The following PTPN4 variants were observed in gnomAD, a reference collection of about 807,000 sequenced individuals.
PTPN4 encodes tyrosine-protein phosphatase non-receptor type 4.
In PTPN4, 49 loss-of-function variants were observed where a neutral mutation model predicts 135.5. The ratio of observed to expected loss-of-function variants is 0.36; its 90% confidence interval spans 0.29 to 0.46. The LOEUF is 0.46. Ranked by LOEUF, PTPN4 falls within the 20% of genes least tolerant of loss-of-function variation. PTPN4 has a pLI of 1.00. For synonymous variants in PTPN4, 333 were observed against 369.9 expected, an observed-to-expected ratio of 0.90 and a Z score of 1.14; for missense variants, 860 against 1,101.0, an observed-to-expected ratio of 0.78 and a Z score of 3.10.
At chr2:119,856,919 A>G (rs943644969) in intron 2 of PTPN4, among the ~76,000 whole-genome samples, 5 of 152,138 alleles carry the variant, frequency 3.3e-5, no homozygotes, top group African/African-American at 4.8e-5. Context: ...TTCCATCAAA[A>G]AGAAATTCTA....
chr2:119,807,560 C>T (rs1250992792), intron 1 of PTPN4, among the ~76,000 whole-genome samples: 1 of 152,170 alleles, frequency 6.6e-6, no homozygotes. Context: ...CAATAACAGG[C>T]TCTGAAATTC....
intron 3 of PTPN4, among the ~76,000 whole-genome samples, chr2:119,870,723 C>A (rs1677898178): frequency 6.6e-6 from 1 of 151,956 alleles, no homozygotes; most frequent in South Asian, 2.1e-4. Flanking sequence ...GGTATTGGAA[C>A]AATTGGTTAA....
intron 1 of PTPN4, 41 bp from the exon 2 acceptor site, chr2:119,809,796 A>G: frequency 6.7e-7 from 1 of 1,502,990 alleles, no homozygotes; most frequent in Non-Finnish European, 9.0e-7. Context: ...CTTATATTTT[A>G]CGAACCTTTT....
Position 119,981,914 on chromosome 2 carries a change from TATA to T in PTPN4, c.*4847_*4849del, listed in dbSNP as rs1679702294. 1 of 152,202 alleles carries T rather than the reference TATA, an allele frequency of 6.6e-6. No individual in the cohort carries two copies. 9.4% of individuals were successfully genotyped at this position (152,202 alleles called of 1,614,324 possible). ...GTAGTATGCTATTGATTTCTGAAGT[TATA>T]ATCATAATTTTTATTTTAGTAATCC... is the stretch of plus-strand genomic sequence containing the variant. On this transcript the variant is annotated 3_prime_UTR_variant, in exon 27 of 27. Transcript: ENST00000263708.
intron 10 of PTPN4, among the ~76,000 whole-genome samples, chr2:119,906,037 G>T (rs140720344): frequency 0.012 from 1,862 of 152,182 alleles, 40 homozygotes; most frequent in African/African-American, 0.043. Context: ...GTTTAATGAT[G>T]CATCTCAAGG....
intron 9 of PTPN4, among the ~76,000 whole-genome samples, chr2:119,897,523 A>G (rs1004407994): frequency 6.6e-6 from 1 of 152,198 alleles, no homozygotes; most frequent in Non-Finnish European, 1.5e-5. Context: ...GAATTCTACA[A>G]TTCACATATC....
chr2:119,841,179 TA>T (rs1461525383), intron 2 of PTPN4, among the ~76,000 whole-genome samples: 2 of 152,190 alleles, frequency 1.3e-5, no homozygotes, highest in Non-Finnish European at 2.9e-5. Flanking sequence ...ATCATAATTT[TA>T]AAAATTATTT....
chr2:119,846,937 C>T (rs1360926173), intron 2 of PTPN4, among the ~76,000 whole-genome samples: 2 of 151,142 alleles, frequency 1.3e-5, no homozygotes, highest in Non-Finnish European at 3.0e-5. Flanking sequence ...ATTACAAACC[C>T]AAAAATATAT....
rs144689387 is a variant in PTPN4, at chr2:119,781,433, A to G, written c.-18+21049A>G. On this transcript the variant is annotated intron_variant, in intron 1 of 26. Coordinates refer to ENST00000263708, the MANE Select transcript of PTPN4 (RefSeq NM_002830.4). ...CCTGTAGCCAGACTCCTGGTTCTCA[A>G]CAATATTAATATTTATTCATTTGTT... Among the ~76,000 whole-genome samples, 258 of 152,318 alleles carry G rather than the reference A, an allele frequency of 1.7e-3. 1 individual carries two copies. Among genetic ancestry groups the G allele is most frequent in the African/African-American group, 6.0e-3 (251 of 41,562 alleles).
intron 26 of PTPN4, among the ~76,000 whole-genome samples, chr2:119,972,220 A>C (rs1405572935): frequency 6.6e-6 from 1 of 151,798 alleles, no homozygotes; most frequent in Non-Finnish European, 1.5e-5. Context: ...ATTGGGTTGA[A>C]TCTCTAGATC....
At chr2:119,774,637 G>A (rs188666856) in intron 1 of PTPN4, among the ~76,000 whole-genome samples, 1 of 152,276 alleles carries the variant, frequency 6.6e-6, no homozygotes, top group Non-Finnish European at 1.5e-5. Flanking sequence ...ATCCAAGGAT[G>A]GTTTGATAGT....
chr2:119,969,926 T>A (rs926262278), intron 26 of PTPN4, among the ~76,000 whole-genome samples: 3 of 152,242 alleles, frequency 2.0e-5, no homozygotes, highest in African/African-American at 7.2e-5. Context: ...ACCGTCTTTT[T>A]AAATTTTATA....
intron 16 of PTPN4, 64 bp from the exon 17 acceptor site, chr2:119,946,277 A>G (rs192370953): frequency 5.4e-4 from 675 of 1,245,700 alleles, no homozygotes; most frequent in Admixed American, 6.5e-4. Context: ...TATGCTTCCT[A>G]TATATCTGAA....
intron 9 of PTPN4, among the ~76,000 whole-genome samples, chr2:119,890,818 T>C (rs116278992): frequency 0.046 from 6,985 of 152,316 alleles, 221 homozygotes; most frequent in Admixed American, 0.11. Flanking sequence ...TGTCTGTGAA[T>C]GATTTCATTT....
chr2:119,904,223 T>TA (rs990288945), intron 10 of PTPN4, among the ~76,000 whole-genome samples: 110 of 147,744 alleles, frequency 7.4e-4, no homozygotes, highest in African/African-American at 2.2e-3. Context: ...GAGAGATATT[T>TA]AAAAAAAAAA....
At chr2:119,922,218 T>TA (rs34480531) in intron 12 of PTPN4, among the ~76,000 whole-genome samples, 1,229 of 120,790 alleles carry the variant, frequency 0.01, 16 homozygotes, top group African/African-American at 0.02. Context: ...CAATCTGATT[T>TA]AAAAAAAAAA....
Position 119,877,777 on chromosome 2 carries a change from A to G in PTPN4, c.368+235A>G, listed in dbSNP as rs72838957. ...CAGTCCAGCCCCAGCTTCCTGAACC[A>G]TGTAAATATTAAAAATTTCTACTTG... On this transcript the variant is annotated intron_variant, in intron 5 of 26. Transcript: ENST00000263708. Among the ~76,000 whole-genome samples the G allele has an allele frequency of 3.4e-3, 516 of 152,254 alleles. 8 individuals carry two copies. Among genetic ancestry groups the G allele is most frequent in the Non-Finnish European group, 2.2e-3 (150 of 68,016 alleles).
chr2:119,939,027 G>T (rs555656438), intron 15 of PTPN4, among the ~76,000 whole-genome samples: 6 of 152,242 alleles, frequency 3.9e-5, no homozygotes, highest in Admixed American at 3.9e-4. Flanking sequence ...TTTTATCTCC[G>T]TAAGCCTGTT....
chr2:119,856,748 G>C (rs552777687), intron 2 of PTPN4, among the ~76,000 whole-genome samples: 1 of 152,120 alleles, frequency 6.6e-6, no homozygotes, highest in Non-Finnish European at 1.5e-5. Context: ...TTTACTTCCT[G>C]TTAGTAACTG....
Sources: gnomAD v4.1 joint callset for allele counts (sites outside exome capture counted in the v4.1 genomes callset) on GRCh38, gnomAD v4.1.1 for gene constraint, MANE v1.5 for transcripts, NCBI Gene and HGNC (gene_info 2026-07-23, HGNC 2026-07-21) for gene names.